PCDHGB3: variants seen among roughly 807,000 people sequenced by gnomAD.
PCDHGB3 encodes protocadherin gamma-B3.
Under a neutral mutation model 59.2 loss-of-function variants are expected in PCDHGB3, and 40 were observed. The ratio of observed to expected loss-of-function variants is 0.68; its 90% confidence interval spans 0.52 to 0.88. The LOEUF (loss-of-function observed/expected upper bound fraction) is 0.88, where lower values mean the gene tolerates loss of function less well. PCDHGB3 is among the 40% of genes least tolerant of loss of function. PCDHGB3 has a pLI of 0.00. For synonymous variants in PCDHGB3, 581 were observed against 503.6 expected (o/e 1.15, Z -2.06); for missense variants, 1,309 against 1,187.9 (o/e 1.10, Z -1.50).
At chr5:141,456,220 T>C (rs965297694) in intron 1 of PCDHGB3, among the ~76,000 whole-genome samples, 1 of 152,098 alleles carries the variant, frequency 6.6e-6, no homozygotes, top group Admixed American at 6.6e-5. Context: ...TGTGGCGATA[T>C]CAAACTAACT....
chr5:141,491,956 A>G lies in PCDHGB3; in HGVS notation c.2416-2851A>G, dbSNP rs2099735623. 1.9e-6 allele frequency: 2 copies of G among 1,035,704 alleles called. No homozygotes were observed. Among genetic ancestry groups the G allele is most frequent in the Non-Finnish European group, 2.7e-6 (2 of 749,368 alleles). The allele number at this position is 1,035,704 out of a possible 1,614,324, so 64.2% of individuals were successfully genotyped here. A position where few individuals can be genotyped will look rare whatever the true frequency, so the allele number is the denominator to read the frequency against. On this transcript the variant is annotated intron_variant, in intron 1 of 3. Transcript: ENST00000576222. This position sits in a 1 kb window ranked among gnomAD's most constrained non-coding sequence, Gnocchi z 6.9. Reference sequence around the variant, plus strand: ...GGACCGACCCCCACCCCTACACTCAAAAAAGGCCGGGGCCTCCTTCGAGCT... The same window carrying G: ...GGACCGACCCCCACCCCTACACTCAGAAAAGGCCGGGGCCTCCTTCGAGCT...
intron 1 of PCDHGB3, chr5:141,413,929 CGAGTGAGTGTTCCT>C: frequency 6.2e-7 from 1 of 1,613,342 alleles, no homozygotes; most frequent in Non-Finnish European, 8.5e-7. Flanking sequence ...GCCAGAATAC[CGAGTGAGTGTTCCT>C]GAGAATTTGC....
chr5:141,483,833 G>A (rs964111814), intron 1 of PCDHGB3, among the ~76,000 whole-genome samples: 1 of 152,116 alleles, frequency 6.6e-6, no homozygotes, highest in Admixed American at 6.5e-5. Flanking sequence ...CCTAGGTAAG[G>A]ACTTGGTTGA....
rs966291038 is a variant in PCDHGB3, at chr5:141,487,740, G to A, written c.2416-7067G>A. 4 of 1,562,290 alleles carry A rather than the reference G, an allele frequency of 2.6e-6. No individual in the cohort carries two copies. The highest frequency in any genetic ancestry group is 1.7e-6 in the Non-Finnish European group (2 of 1,151,972). On this transcript the variant is annotated intron_variant, in intron 1 of 3. Transcript: ENST00000576222. The surrounding 1 kb of genome is among the most constrained non-coding windows in gnomAD (Gnocchi z 5.0). ...CATAGTGATGTCACCATTTTTGTAAGAGGTAACTATGTGGTAGACGCTGTG... is the reference window on the plus strand; with the variant it reads ...CATAGTGATGTCACCATTTTTGTAAAAGGTAACTATGTGGTAGACGCTGTG...
intron 1 of PCDHGB3, chr5:141,479,563 G>A (rs1469231382): frequency 2.6e-5 from 4 of 152,206 alleles, no homozygotes; most frequent in Admixed American, 2.0e-4. Context: ...ATCCAGTAGT[G>A]GGATGACATC....
Position 141,415,748 on chromosome 5 carries a change from T to G in PCDHGB3, c.2415+42939T>G, listed in dbSNP as rs1345423849. On this transcript the variant is annotated intron_variant, in intron 1 of 3. Transcript: ENST00000576222. ...ATTTGATGTTTATTAAGGTTTTTTT[T>G]TTTTTTTTTTTTTTTTTTTTTTTTA... is the stretch of plus-strand genomic sequence containing the variant. 87 of 1,008,904 alleles carry G rather than the reference T, an allele frequency of 8.6e-5. No individual in the cohort carries two copies. The Middle Eastern group carries it at 1.2e-3, about 13-fold the overall frequency. 62.5% of individuals were successfully genotyped at this position (1,008,904 alleles called of 1,614,324 possible).
chr5:141,419,275 G>T (rs777238100), intron 1 of PCDHGB3: 35 of 1,613,856 alleles, frequency 2.2e-5, no homozygotes, highest in Non-Finnish European at 2.9e-5. Flanking sequence ...CCTCCATAGC[G>T]CAAGTCAGTG....
intron 1 of PCDHGB3, chr5:141,409,621 A>G: frequency 6.2e-7 from 1 of 1,613,852 alleles, no homozygotes; most frequent in Non-Finnish European, 8.5e-7. Context: ...CCATTGCGCA[A>G]GTGAGCGCCT....
intron 1 of PCDHGB3, among the ~76,000 whole-genome samples, chr5:141,380,691 G>C (rs1198645485): frequency 6.6e-6 from 1 of 152,212 alleles, no homozygotes; most frequent in Non-Finnish European, 1.5e-5. Flanking sequence ...TTTGTGTTCG[G>C]AGTAGTCTAT....
At chr5:141,428,114 C>CG in intron 1 of PCDHGB3, 2 of 1,607,202 alleles carry the variant, frequency 1.2e-6, no homozygotes, top group Non-Finnish European at 1.7e-6. Flanking sequence ...TGCAGGCCAT[C>CG]GAGCCCGGGC....
chr5:141,507,478 C>A (rs933478897), intron 3 of PCDHGB3, among the ~76,000 whole-genome samples: 3 of 152,158 alleles, frequency 2.0e-5, no homozygotes, highest in Non-Finnish European at 4.4e-5. Context: ...GGACTGCTGG[C>A]CTCCTGAGGC....
rs780007896 is a variant in PCDHGB3 at position 141,399,692 on chromosome 5, G to T, written c.2415+26883G>T. 1.2e-5 allele frequency: 19 copies of T among 1,613,318 alleles called. No individual in the cohort carries two copies. The South Asian group carries it at 2.1e-4, about 18-fold the overall frequency. ...CGCGCCTTTGACTACGAGCAGCTGC[G>T]CACCTTCGAACTCACACTACAGGCC... On this transcript the variant is annotated intron_variant, in intron 1 of 3. Coordinates refer to ENST00000576222, the MANE Select transcript of PCDHGB3 (RefSeq NM_018924.5).
chr5:141,418,948 A>G (rs767664022), intron 1 of PCDHGB3: 1 of 1,614,042 alleles, frequency 6.2e-7, no homozygotes, highest in Non-Finnish European at 8.5e-7. Context: ...CCCCTCCAGG[A>G]GTGGTTGTTG....
chr5:141,489,290 G>A lies in PCDHGB3; in HGVS notation c.2416-5517G>A. 6.3e-7 allele frequency: 1 copy of A among 1,577,514 alleles called. No individual in the cohort carries two copies. The highest frequency in any genetic ancestry group is 8.6e-7 in the Non-Finnish European group (1 of 1,162,002). ...CTCGCTGGGAAATGGCAAGTGCTGT[G>A]CATGTTGTCCTTGTGCTGCTGGGGC... On this transcript the variant is annotated intron_variant, in intron 1 of 3. Transcript: ENST00000576222. This position sits in a 1 kb window ranked among gnomAD's most constrained non-coding sequence, Gnocchi z 4.5.
chr5:141,450,581 G>A (rs2098686464), intron 1 of PCDHGB3, among the ~76,000 whole-genome samples: 1 of 151,878 alleles, frequency 6.6e-6, no homozygotes, highest in Non-Finnish European at 1.5e-5. Context: ...CTGCCTCCCA[G>A]GTTCAAGCAA....
intron 1 of PCDHGB3, among the ~76,000 whole-genome samples, chr5:141,467,017 C>T (rs1036255706): frequency 4.0e-5 from 6 of 151,156 alleles, no homozygotes; most frequent in African/African-American, 1.5e-4. Context: ...AATTTTTTTC[C>T]CTTTGTTTTT....
At chr5:141,427,132 G>T (rs755992698) in intron 1 of PCDHGB3, 1 of 457,106 alleles carries the variant, frequency 2.2e-6, no homozygotes, top group Non-Finnish European at 4.4e-6. Context: ...AAATCCCTAC[G>T]AGATGATATT....
chr5:141,421,455 C>A (rs762490406), intron 1 of PCDHGB3: 1 of 1,614,108 alleles, frequency 6.2e-7, no homozygotes, highest in South Asian at 1.1e-5. Flanking sequence ...CACAGCTTTT[C>A]GCTGTGAATC....
intron 1 of PCDHGB3, among the ~76,000 whole-genome samples, chr5:141,450,470 AGTTT>A (rs199699353): frequency 4.6e-5 from 7 of 151,680 alleles, no homozygotes; most frequent in Non-Finnish European, 8.8e-5. Flanking sequence ...TTATATATAG[AGTTT>A]GTTTGTTTGT....
Sources: allele counts gnomAD v4.1 joint callset (sites outside exome capture counted in the v4.1 genomes callset), GRCh38; gene constraint gnomAD v4.1.1; non-coding constraint Gnocchi (gnomAD v3.1); transcripts MANE v1.5; gene names NCBI Gene and HGNC (gene_info 2026-07-23, HGNC 2026-07-21).